Variants in HIBCH observed in about 807,000 individuals in gnomAD.
The protein encoded by HIBCH is 3-hydroxyisobutyryl-CoA hydrolase, mitochondrial.
HIBCH carries 50 observed loss-of-function variants against 58.2 expected under a neutral mutation model. That is an observed-to-expected ratio of 0.86 (90% CI 0.68 to 1.09). HIBCH has a LOEUF of 1.09. Ranked by LOEUF, HIBCH falls within the 50% of genes least tolerant of loss-of-function variation. The pLI is 0.00. For missense variants in HIBCH, 450 were observed against 449.7 expected (o/e 1.00, Z -0.01); for synonymous variants, 151 against 146.9 (o/e 1.03, Z -0.20).
At position 190,204,124 on chromosome 2, in the gene HIBCH, A is replaced by G. The variant is rs1690330168; in HGVS notation, c.*993T>C. ...TCTTGCCTAGAACTTTAAGGTTCTGAGTCTGGAATACCTTTTAGTTCTTTC... is the reference window on the plus strand; with the variant it reads ...TCTTGCCTAGAACTTTAAGGTTCTGGGTCTGGAATACCTTTTAGTTCTTTC... On this transcript the variant is annotated 3_prime_UTR_variant, in exon 14 of 14. Transcript: ENST00000359678. 1 of 152,032 alleles carries G rather than the reference A, an allele frequency of 6.6e-6. No homozygotes were observed. The highest frequency in any genetic ancestry group is 6.6e-5 in the Admixed American group (1 of 15,264). The allele number at this position is 152,032 out of a possible 1,614,324, so 9.4% of individuals were successfully genotyped here.
chr2:190,250,082 G>A (rs1434189472), intron 8 of HIBCH, among the ~76,000 whole-genome samples: 1 of 152,038 alleles, frequency 6.6e-6, no homozygotes, highest in Non-Finnish European at 1.5e-5. Context: ...CACAGACAAT[G>A]CACAACACTA....
intron 10 of HIBCH, chr2:190,245,407 T>C (rs1686577981): frequency 6.3e-6 from 1 of 159,992 alleles, no homozygotes. Context: ...TAAAAGTTAA[T>C]TCAATTATTA....
At chr2:190,248,874 A>C (rs1266921532) in intron 9 of HIBCH, among the ~76,000 whole-genome samples, 1 of 151,988 alleles carries the variant, frequency 6.6e-6, no homozygotes, top group African/African-American at 2.4e-5. Context: ...ACAAAAAAAA[A>C]AAACAAAAAA....
At chr2:190,249,226 C>G (rs1290282508) in intron 9 of HIBCH, among the ~76,000 whole-genome samples, 1 of 152,062 alleles carries the variant, frequency 6.6e-6, no homozygotes, top group African/African-American at 2.4e-5. Context: ...ATTCTTGGCT[C>G]TTATAAGAAA....
downstream of HIBCH, chr2:190,199,891 C>T: frequency 6.2e-7 from 1 of 1,613,836 alleles, no homozygotes; most frequent in East Asian, 2.2e-5. Context: ...GCAAACTTTC[C>T]CATTTCCTAC....
intron 11 of HIBCH, among the ~76,000 whole-genome samples, chr2:190,240,995 T>C (rs1686437559): frequency 6.6e-6 from 1 of 152,234 alleles, no homozygotes; most frequent in Non-Finnish European, 1.5e-5. Context: ...TTAGGTCCAC[T>C]TGGTCCAGAG....
intron 6 of HIBCH, among the ~76,000 whole-genome samples, chr2:190,262,619 A>G (rs922819203): frequency 6.6e-6 from 1 of 151,332 alleles, no homozygotes; most frequent in Non-Finnish European, 1.5e-5. Flanking sequence ...ATTCCTTTAC[A>G]AAGGAACAAC....
chr2:190,247,073 T>C, intron 9 of HIBCH, among the ~76,000 whole-genome samples: 1 of 152,120 alleles, frequency 6.6e-6, no homozygotes, highest in East Asian at 1.9e-4. Context: ...AATTTAGCAC[T>C]TTGGGTTAAA....
chr2:190,302,587 G>A (rs895332658), intron 2 of HIBCH, among the ~76,000 whole-genome samples: 3 of 152,288 alleles, frequency 2.0e-5, no homozygotes, highest in Non-Finnish European at 4.4e-5. Context: ...CTTGAAATCA[G>A]CAGGGGAAAA....
downstream of HIBCH, chr2:190,202,569 C>T (rs1268978850): frequency 6.0e-6 from 1 of 166,962 alleles, no homozygotes; most frequent in Non-Finnish European, 1.5e-5. Context: ...TCTTTCATAT[C>T]TTTATATTGA....
chr2:190,259,419 C>T (rs994597917), intron 7 of HIBCH, among the ~76,000 whole-genome samples: 1 of 149,034 alleles, frequency 6.7e-6, no homozygotes, highest in Non-Finnish European at 1.5e-5. Flanking sequence ...AGTGCAGTGG[C>T]ATGATCTCAG....
At chr2:190,292,975 T>C (rs924308156) in intron 4 of HIBCH, among the ~76,000 whole-genome samples, 2 of 152,202 alleles carry the variant, frequency 1.3e-5, no homozygotes, top group African/African-American at 4.8e-5. Context: ...GAAATTACAT[T>C]TCCTGGACTT....
At position 190,297,037 on chromosome 2, in the gene HIBCH, A is replaced by T. The variant is rs533410463; in HGVS notation, c.79-84T>A. ...CATCAAAACATACATATCAAATGCA[A>T]ATCTTGCATATTAATGGTAACTAAA... is the stretch of plus-strand genomic sequence containing the variant. On this transcript the variant is annotated intron_variant, in intron 2 of 13. Transcript: ENST00000359678. 1.4e-4 allele frequency: 177 copies of T among 1,242,628 alleles called. 5 individuals carry two copies. The South Asian group carries it at 2.1e-3, about 15-fold the overall frequency. The allele number at this position is 1,242,628 out of a possible 1,614,324, so 77.0% of individuals were successfully genotyped here.
chr2:190,303,530 A>G (rs1688323812), intron 2 of HIBCH, among the ~76,000 whole-genome samples: 1 of 152,222 alleles, frequency 6.6e-6, no homozygotes, highest in African/African-American at 2.4e-5. Flanking sequence ...AACTGGAACA[A>G]TGAAGCAATC....
At chr2:190,200,061 G>C (rs1202758572), downstream of HIBCH, 6 of 1,613,956 alleles carry the variant, frequency 3.7e-6, no homozygotes, top group East Asian at 1.1e-4. Context: ...GCCTGTCTCA[G>C]GATATCTTGT....
At chr2:190,255,317 C>T (rs1686890315) in intron 7 of HIBCH, among the ~76,000 whole-genome samples, 1 of 152,136 alleles carries the variant, frequency 6.6e-6, no homozygotes, top group Non-Finnish European at 1.5e-5. Context: ...TCATTCTTAC[C>T]TAAGGGTCTT....
At chr2:190,226,595 CAAAAAAAAAAA>C (rs752856547) in intron 11 of HIBCH, among the ~76,000 whole-genome samples, 17 of 29,398 alleles carry the variant, frequency 5.8e-4, no homozygotes, top group South Asian at 4.0e-3. Flanking sequence ...AACTCCGTCT[CAAAAAAAAAAA>C]AAAAAAAAAA....
chr2:190,242,767 A>G (rs758452959), intron 11 of HIBCH, among the ~76,000 whole-genome samples: 2 of 152,218 alleles, frequency 1.3e-5, no homozygotes, highest in Non-Finnish European at 2.9e-5. Context: ...TCTTTTGCTA[A>G]AAACATGTTT....
chr2:190,303,135 G>A (rs192670111), intron 2 of HIBCH, among the ~76,000 whole-genome samples: 63 of 152,290 alleles, frequency 4.1e-4, no homozygotes, highest in African/African-American at 1.5e-3. Flanking sequence ...CTCATGTTTA[G>A]TTTAATACAC....
Sources: gnomAD v4.1 joint callset for allele counts (sites outside exome capture counted in the v4.1 genomes callset) on GRCh38, gnomAD v4.1.1 for gene constraint, MANE v1.5 for transcripts, NCBI Gene and HGNC (gene_info 2026-07-23, HGNC 2026-07-21) for gene names.